The following DLGAP2 variants were observed in gnomAD, a reference collection of about 807,000 sequenced individuals.
DLGAP2 encodes the protein DLG associated protein 2.
In DLGAP2, 26 loss-of-function variants were observed where a neutral mutation model predicts 100.3. The ratio of observed to expected loss-of-function variants is 0.26; its 90% CI spans 0.19 to 0.36. The LOEUF (loss-of-function observed/expected upper bound fraction) is 0.36. Ranked by LOEUF, DLGAP2 falls within the 10% of genes least tolerant of loss-of-function variation. The pLI is 1.00. For missense variants in DLGAP2, 1,858 were observed against 1,453.2 expected (o/e 1.28, Z -4.53); for synonymous variants, 886 against 630.1 (o/e 1.41, Z -6.08).
intron 2 of DLGAP2, among the ~76,000 whole-genome samples, chr8:1,223,482 G>C (rs976300329): frequency 2.0e-5 from 3 of 152,196 alleles, no homozygotes; most frequent in African/African-American, 7.2e-5. Context: ...TCTTCTACAA[G>C]ATGACTAAAA....
intron 3 of DLGAP2, among the ~76,000 whole-genome samples, chr8:1,277,417 A>G (rs1799720513): frequency 6.6e-6 from 1 of 152,238 alleles, no homozygotes. Context: ...AAATACATAG[A>G]GCAAGAAGCA....
At chr8:1,460,899 G>C (rs117861937) in intron 3 of DLGAP2, among the ~76,000 whole-genome samples, 4 of 152,180 alleles carry the variant, frequency 2.6e-5, no homozygotes, top group Non-Finnish European at 5.9e-5. Flanking sequence ...TCTTTGGGTC[G>C]GTAGGGATCA....
intron 3 of DLGAP2, among the ~76,000 whole-genome samples, chr8:1,348,439 A>G (rs1384373834): frequency 2.0e-5 from 3 of 149,560 alleles, no homozygotes; most frequent in Non-Finnish European, 4.5e-5. Context: ...CTGAGTTCCT[A>G]TACAGAGTTA....
At chr8:1,559,472 A>C (rs1802084187) in intron 5 of DLGAP2, among the ~76,000 whole-genome samples, 1 of 152,170 alleles carries the variant, frequency 6.6e-6, no homozygotes, top group South Asian at 2.1e-4. Context: ...TTGGTACTTG[A>C]ATTCATGCTT....
Position 1,442,590 on chromosome 8 carries a change from C to A in DLGAP2, c.107-58776C>A, listed in dbSNP as rs529015836. On this transcript the variant is annotated intron_variant, in intron 3 of 14. Transcript: ENST00000637795. ...ACCCGCCAGGCTGCTGTGGGTTCAG[C>A]CACTGGGGGAGACGGATCGGGGCAT... Among the ~76,000 whole-genome samples, 3 of 146,802 alleles carry A rather than the reference C, an allele frequency of 2.0e-5. No homozygotes were observed. In the East Asian group the frequency reaches 6.1e-4, roughly 30 times the overall value.
intron 2 of DLGAP2, among the ~76,000 whole-genome samples, chr8:1,060,156 G>A (rs1353400293): frequency 1.3e-5 from 2 of 152,342 alleles, no homozygotes; most frequent in South Asian, 2.1e-4. Context: ...CAGGGCGTGC[G>A]TGGCTGCATC....
rs904790079 is a variant in DLGAP2, at chr8:1,326,957, A to G, written c.106+68074A>G. Among the ~76,000 whole-genome samples the G allele has an allele frequency of 5.8e-4, 88 of 152,248 alleles. 1 individual carries two copies. Among genetic ancestry groups the G allele is most frequent in the Non-Finnish European group, 5.9e-5 (4 of 68,052 alleles). ...AGATCAGCCGTGCTCTTTAGCCAGC[A>G]TAAAATGTCTTGAGCAATGACACAG... On this transcript the variant is annotated intron_variant, in intron 3 of 14. Transcript: ENST00000637795.
At chr8:1,033,296 C>T (rs1194957089) in intron 2 of DLGAP2, among the ~76,000 whole-genome samples, 1 of 152,164 alleles carries the variant, frequency 6.6e-6, no homozygotes, top group Non-Finnish European at 1.5e-5. Context: ...ATACAACTTG[C>T]TTCTCTTAGA....
At position 1,381,087 on chromosome 8, in the gene DLGAP2, T is replaced by C. The variant is rs1309585747; in HGVS notation, c.107-120279T>C. On this transcript the variant is annotated intron_variant, in intron 3 of 14. Coordinates refer to ENST00000637795, the MANE Select transcript of DLGAP2 (RefSeq NM_001346810.2). ...TTAGACTTAAGAGGCCAATTAAAAA[T>C]AAAGGTCACGGCGCATGGTGAGGAG... is the stretch of plus-strand genomic sequence containing the variant. 5 of 151,946 alleles carry C rather than the reference T, an allele frequency of 3.3e-5. No homozygotes were observed. In the East Asian group the frequency reaches 9.7e-4, roughly 30 times the overall value. The allele number at this position is 151,946 out of a possible 1,614,324, so 9.4% of individuals were successfully genotyped here.
At chr8:1,628,155 C>G (rs1362027304) in intron 7 of DLGAP2, among the ~76,000 whole-genome samples, 1 of 110,010 alleles carries the variant, frequency 9.1e-6, no homozygotes, top group East Asian at 2.7e-4. Context: ...GAATTAAGAG[C>G]CTGAGCTGAC....
chr8:751,302 C>T (rs890088344), intron 1 of DLGAP2, among the ~76,000 whole-genome samples: 3 of 150,140 alleles, frequency 2.0e-5, no homozygotes, highest in Admixed American at 1.3e-4. Context: ...CCTGGATCTC[C>T]GGCCACCCTC....
At chr8:1,410,765 G>C (rs983403269) in intron 3 of DLGAP2, among the ~76,000 whole-genome samples, 1 of 151,486 alleles carries the variant, frequency 6.6e-6, no homozygotes, top group African/African-American at 2.4e-5. Flanking sequence ...TGGTTTTCTT[G>C]TTCAGGAATT....
At chr8:1,389,302 G>A (rs13266620) in intron 3 of DLGAP2, among the ~76,000 whole-genome samples, 1 of 143,484 alleles carries the variant, frequency 7.0e-6, no homozygotes, top group Non-Finnish European at 1.5e-5. Flanking sequence ...TGGAGGAGGA[G>A]GATGGGAAGG....
chr8:1,438,250 C>G (rs959954106), intron 3 of DLGAP2, among the ~76,000 whole-genome samples: 2 of 152,096 alleles, frequency 1.3e-5, no homozygotes, highest in African/African-American at 4.8e-5. Flanking sequence ...TGAAGTCTTT[C>G]CCCATCCCAG....
chr8:1,455,351 G>C (rs1273678309), intron 3 of DLGAP2, among the ~76,000 whole-genome samples: 1 of 152,250 alleles, frequency 6.6e-6, no homozygotes, highest in African/African-American at 2.4e-5. Context: ...GTGGGGCCAA[G>C]GCCGCTGCAG....
intron 2 of DLGAP2, among the ~76,000 whole-genome samples, chr8:1,211,497 T>C (rs1039152437): frequency 6.6e-6 from 1 of 152,234 alleles, no homozygotes; most frequent in African/African-American, 2.4e-5. Flanking sequence ...TATAAAGTAC[T>C]CTCATTGTAT....
chr8:1,445,690 A>G (rs372310936), intron 3 of DLGAP2, among the ~76,000 whole-genome samples: 10 of 152,248 alleles, frequency 6.6e-5, no homozygotes, highest in Middle Eastern at 3.4e-3. Flanking sequence ...GGTTGAACTA[A>G]TTTACAGTCC....
chr8:1,153,645 G>A lies in DLGAP2; in HGVS notation c.74-105206G>A, dbSNP rs568598989. ...AATATTTTTTAGACTTTTCACAGGC[G>A]TATCAGAATGTGAGTCTAATGAGAA... On this transcript the variant is annotated intron_variant, in intron 2 of 14. Coordinates refer to ENST00000637795, the MANE Select transcript of DLGAP2 (RefSeq NM_001346810.2). Among the ~76,000 whole-genome samples the A allele has an allele frequency of 1.5e-4, 23 of 152,210 alleles. No homozygotes were observed. The South Asian group carries it at 2.3e-3, about 15-fold the overall frequency.
intron 2 of DLGAP2, among the ~76,000 whole-genome samples, chr8:1,116,649 T>G (rs1013837564): frequency 1.3e-5 from 2 of 151,736 alleles, no homozygotes; most frequent in Non-Finnish European, 3.0e-5. Context: ...ATAAAAACAG[T>G]TAGCCACACG....
Sources: gnomAD v4.1 joint callset for allele counts (sites outside exome capture counted in the v4.1 genomes callset) on GRCh38, gnomAD v4.1.1 for gene constraint, MANE v1.5 for transcripts, NCBI Gene and HGNC (gene_info 2026-07-23, HGNC 2026-07-21) for gene names.